RBMS3: variants seen among roughly 807,000 people sequenced by gnomAD.
RBMS3 encodes the protein RNA-binding motif, single-stranded-interacting protein 3.
A neutral mutation model predicts 66.8 loss-of-function variants in RBMS3; 27 were observed. That is an observed-to-expected ratio of 0.40 (90% CI 0.30 to 0.56). The LOEUF is 0.56. Among genes scored for constraint, RBMS3 ranks in the 20% least tolerant of loss-of-function variants. RBMS3 has a pLI of 0.40. For synonymous variants in RBMS3, 188 were observed against 183.0 expected (o/e 1.03, Z -0.22); for missense variants, 513 against 549.5 (o/e 0.93, Z 0.66).
intron 4 of RBMS3, chr3:29,698,563 A>G (rs1391864610): frequency 2.0e-6 from 2 of 985,316 alleles, no homozygotes; most frequent in African/African-American, 1.7e-5. Context: ...ATAGTATTTC[A>G]TAACAAAATG....
intron 1 of RBMS3, among the ~76,000 whole-genome samples, chr3:29,339,022 C>G (rs1394512390): frequency 1.3e-5 from 2 of 152,142 alleles, no homozygotes; most frequent in Non-Finnish European, 1.5e-5. Flanking sequence ...AGACCTCACT[C>G]AGAGGTCAGC....
chr3:29,443,332 G>C (rs2041697418), intron 2 of RBMS3, among the ~76,000 whole-genome samples: 1 of 152,068 alleles, frequency 6.6e-6, no homozygotes, highest in Admixed American at 6.6e-5. Flanking sequence ...ATTGTCATCT[G>C]TGTACCAAGC....
chr3:29,501,452 T>G (rs2043969390), intron 3 of RBMS3, among the ~76,000 whole-genome samples: 1 of 152,192 alleles, frequency 6.6e-6, no homozygotes, highest in African/African-American at 2.4e-5. Flanking sequence ...CAAGTGATCT[T>G]CTGTAGACAA....
At chr3:29,699,484 G>A (rs530601025) in intron 4 of RBMS3, among the ~76,000 whole-genome samples, 1 of 150,594 alleles carries the variant, frequency 6.6e-6, no homozygotes, top group South Asian at 2.1e-4. Flanking sequence ...TTCAGAATTT[G>A]CAAAAATGAA....
At chr3:29,297,632 C>G (rs562747025) in intron 1 of RBMS3, among the ~76,000 whole-genome samples, 1 of 151,972 alleles carries the variant, frequency 6.6e-6, no homozygotes, top group South Asian at 2.1e-4. Flanking sequence ...TCTCAGCACT[C>G]TATTCAAAAC....
intron 3 of RBMS3, among the ~76,000 whole-genome samples, chr3:29,557,319 A>G (rs1041934975): frequency 1.3e-5 from 2 of 152,122 alleles, no homozygotes; most frequent in Non-Finnish European, 2.9e-5. Context: ...CAACAACCAG[A>G]TTGCCTGTGT....
chr3:29,838,610 C>A (rs1339290132), intron 6 of RBMS3, among the ~76,000 whole-genome samples: 1 of 152,110 alleles, frequency 6.6e-6, no homozygotes, highest in Non-Finnish European at 1.5e-5. Flanking sequence ...TGCCATAAGA[C>A]CATCTGAGAC....
chr3:29,683,267 A>G (rs2051573864), intron 4 of RBMS3, among the ~76,000 whole-genome samples: 1 of 152,224 alleles, frequency 6.6e-6, no homozygotes, highest in Admixed American at 6.5e-5. Flanking sequence ...TTTTCAAAGC[A>G]AATGTACACA....
chr3:29,964,885 C>G (rs559815584), intron 12 of RBMS3, among the ~76,000 whole-genome samples: 7 of 152,192 alleles, frequency 4.6e-5, no homozygotes, highest in South Asian at 4.1e-4. Context: ...CACTCTTCCC[C>G]CTTTGTCCCC....
At chr3:29,469,739 A>G (rs2042657696) in intron 2 of RBMS3, among the ~76,000 whole-genome samples, 1 of 151,444 alleles carries the variant, frequency 6.6e-6, no homozygotes, top group African/African-American at 2.4e-5. Context: ...GGGATATTTT[A>G]TTACAGAACA....
intron 6 of RBMS3, among the ~76,000 whole-genome samples, chr3:29,794,978 A>G (rs912727740): frequency 6.6e-6 from 1 of 152,124 alleles, no homozygotes; most frequent in African/African-American, 2.4e-5. Context: ...CATCAGTACT[A>G]TTTTTTGAAG....
At chr3:29,883,440 T>C (rs766846123) in intron 7 of RBMS3, among the ~76,000 whole-genome samples, 3 of 152,130 alleles carry the variant, frequency 2.0e-5, no homozygotes, top group Non-Finnish European at 2.9e-5. Flanking sequence ...TGTGATGATG[T>C]ACATGAAGGA....
chr3:29,594,214 T>C (rs2047865480), intron 4 of RBMS3, among the ~76,000 whole-genome samples: 1 of 146,610 alleles, frequency 6.8e-6, no homozygotes, highest in Non-Finnish European at 1.5e-5. Context: ...ATTTCCCCCC[T>C]TTTTTGTGGG....
chr3:29,574,098 C>T (rs1183291035), intron 3 of RBMS3, among the ~76,000 whole-genome samples: 4 of 152,102 alleles, frequency 2.6e-5, no homozygotes, highest in Admixed American at 2.6e-4. Context: ...TGCAGATTAA[C>T]TCTGATGTTT....
chr3:29,770,889 G>T (rs2056170682), intron 6 of RBMS3, among the ~76,000 whole-genome samples: 1 of 151,926 alleles, frequency 6.6e-6, no homozygotes, highest in African/African-American at 2.4e-5. Flanking sequence ...TAATAGGATT[G>T]ATTTAAGAAC....
At chr3:29,529,961 C>T (rs1381646954) in intron 3 of RBMS3, among the ~76,000 whole-genome samples, 2 of 151,998 alleles carry the variant, frequency 1.3e-5, no homozygotes, top group African/African-American at 4.8e-5. Flanking sequence ...TTTCACTTCC[C>T]AATACTCTAG....
In RBMS3 at chr3:29,347,058, T is replaced by C. The variant is rs144801278; in HGVS notation, c.75+65302T>C. Among the ~76,000 whole-genome samples the C allele has an allele frequency of 4.6e-3, 706 of 152,312 alleles. 7 individuals are homozygous for C. The highest frequency in any genetic ancestry group is 0.015 in the African/African-American group (637 of 41,572). On this transcript the variant is annotated intron_variant, in intron 1 of 14. Coordinates refer to ENST00000383767, the MANE Select transcript of RBMS3 (RefSeq NM_001003793.3). Reference sequence around the variant, plus strand: ...TTTTCAGTTAATGCCTTTGGCTACATGAACAAGGAGTTTCACCAAGAATGT... The same window carrying C: ...TTTTCAGTTAATGCCTTTGGCTACACGAACAAGGAGTTTCACCAAGAATGT...
intron 3 of RBMS3, among the ~76,000 whole-genome samples, chr3:29,568,577 A>G (rs2046823970): frequency 6.6e-6 from 1 of 152,214 alleles, no homozygotes. Context: ...CCGACATAGA[A>G]TTTAGGTAGT....
chr3:29,965,447 G>T (rs1696766766), intron 12 of RBMS3, among the ~76,000 whole-genome samples: 1 of 152,040 alleles, frequency 6.6e-6, no homozygotes, highest in Admixed American at 6.5e-5. Flanking sequence ...GTATCGCATT[G>T]TGGTTTTGAT....
Sources: gnomAD v4.1 joint callset for allele counts (sites outside exome capture counted in the v4.1 genomes callset) on GRCh38, gnomAD v4.1.1 for gene constraint, MANE v1.5 for transcripts, NCBI Gene and HGNC (gene_info 2026-07-23, HGNC 2026-07-21) for gene names.